LDLRAD4: variants seen among roughly 807,000 people sequenced by gnomAD.
The protein encoded by LDLRAD4 is low-density lipoprotein receptor class A domain-containing protein 4.
In LDLRAD4, 5 loss-of-function variants were observed where a neutral mutation model predicts 17.0. That is an observed-to-expected ratio of 0.29 (90% CI 0.15 to 0.62). LDLRAD4 has a LOEUF of 0.62. LDLRAD4 is among the 20% of genes least tolerant of loss of function. LDLRAD4 has a pLI of 0.84. For synonymous variants in LDLRAD4, 168 were observed against 171.8 expected, an observed-to-expected ratio of 0.98 and a Z score of 0.17; for missense variants, 340 against 424.7, an observed-to-expected ratio of 0.80 and a Z score of 1.75.
intron 3 of LDLRAD4, among the ~76,000 whole-genome samples, chr18:13,518,693 T>C (rs2093908171): frequency 6.6e-6 from 1 of 152,218 alleles, no homozygotes; most frequent in African/African-American, 2.4e-5. Context: ...AGGGGGTCCA[T>C]GAATTTATAC....
chr18:13,496,235 C>G (rs144933092), intron 3 of LDLRAD4, among the ~76,000 whole-genome samples: 3 of 152,096 alleles, frequency 2.0e-5, no homozygotes, highest in African/African-American at 2.4e-5. Context: ...GTGCGTTGTT[C>G]AGGAAGATGG....
intron 3 of LDLRAD4, among the ~76,000 whole-genome samples, chr18:13,456,078 G>A (rs924678142): frequency 2.0e-5 from 3 of 152,174 alleles, no homozygotes; most frequent in African/African-American, 7.2e-5. Context: ...TGTCACTGCT[G>A]TGGCAGGAAC....
rs1441010138 is a variant in LDLRAD4, at chr18:13,330,776, T to TA, written c.-383+52589dup. On this transcript the variant is annotated intron_variant, in intron 1 of 5. Coordinates refer to ENST00000359446, the Ensembl canonical transcript of LDLRAD4. ...CTGGTCACCAGAAAGACCAAGGCATTACTAGAAGATTGGAACCTTCAGCCC... is the reference window on the plus strand; with the variant it reads ...CTGGTCACCAGAAAGACCAAGGCATTAACTAGAAGATTGGAACCTTCAGCCC... Among the ~76,000 whole-genome samples the TA allele has an allele frequency of 3.9e-5, 6 of 152,294 alleles. No homozygotes were observed. The East Asian group carries it at 1.2e-3, about 29-fold the overall frequency.
chr18:13,650,350 T>C (rs1392246432), exon 6 of LDLRAD4: 1 of 399,894 alleles, frequency 2.5e-6, no homozygotes, highest in Non-Finnish European at 4.4e-6. Context: ...TCCTTCATCC[T>C]TTTCTTTCTT....
At chr18:13,581,381 C>A (rs2094855466) in intron 3 of LDLRAD4, among the ~76,000 whole-genome samples, 1 of 152,174 alleles carries the variant, frequency 6.6e-6, no homozygotes, top group African/African-American at 2.4e-5. Flanking sequence ...GCCTGTCTCT[C>A]ATTTTCTGTC....
intron 3 of LDLRAD4, among the ~76,000 whole-genome samples, chr18:13,549,994 C>T (rs1291323545): frequency 6.6e-6 from 1 of 152,202 alleles, no homozygotes; most frequent in Non-Finnish European, 1.5e-5. Context: ...TTCTTCTGAA[C>T]TGCTGCCATC....
chr18:13,499,186 C>G (rs1453430142), intron 3 of LDLRAD4, among the ~76,000 whole-genome samples: 1 of 149,796 alleles, frequency 6.7e-6, no homozygotes, highest in African/African-American at 2.5e-5. Flanking sequence ...GAGAATCCTT[C>G]TACTCACACA....
chr18:13,237,112 T>G (rs2042375943), intron 1 of LDLRAD4, among the ~76,000 whole-genome samples: 1 of 152,242 alleles, frequency 6.6e-6, no homozygotes, highest in Admixed American at 6.5e-5. Context: ...CATGCTGGCT[T>G]GGGCTCTGGA....
intron 3 of LDLRAD4, among the ~76,000 whole-genome samples, chr18:13,497,390 G>A (rs2093492507): frequency 6.6e-6 from 1 of 151,980 alleles, no homozygotes; most frequent in Non-Finnish European, 1.5e-5. Context: ...TGTTGCCCAG[G>A]CTGGTCATGA....
intron 3 of LDLRAD4, among the ~76,000 whole-genome samples, chr18:13,478,331 A>G (rs1049058886): frequency 3.9e-5 from 6 of 152,360 alleles, no homozygotes; most frequent in African/African-American, 9.6e-5. Flanking sequence ...CTAGAAGGTC[A>G]GGATTAACAG....
At chr18:13,634,930 A>C (rs1483491919) in intron 4 of LDLRAD4, among the ~76,000 whole-genome samples, 1 of 152,222 alleles carries the variant, frequency 6.6e-6, no homozygotes, top group African/African-American at 2.4e-5. Context: ...TAAACCCTCA[A>C]ATATATGGTC....
At chr18:13,567,547 A>G (rs2094622628) in intron 3 of LDLRAD4, among the ~76,000 whole-genome samples, 2 of 152,162 alleles carry the variant, frequency 1.3e-5, no homozygotes, top group African/African-American at 4.8e-5. Context: ...GGCTCTTAAA[A>G]ACATTTTCTC....
At chr18:13,368,184 GT>G (rs560748751) in intron 1 of LDLRAD4, among the ~76,000 whole-genome samples, 35 of 152,278 alleles carry the variant, frequency 2.3e-4, no homozygotes, top group African/African-American at 8.4e-4. Context: ...CAGGCGACAG[GT>G]TTGGTGGCAT....
intron 3 of LDLRAD4, among the ~76,000 whole-genome samples, chr18:13,505,244 C>T (rs899024447): frequency 1.3e-5 from 2 of 152,230 alleles, no homozygotes; most frequent in African/African-American, 4.8e-5. Flanking sequence ...AGGAACAGAA[C>T]TAAGCAGAAG....
At chr18:13,394,631 C>G (rs1461559598) in intron 2 of LDLRAD4, among the ~76,000 whole-genome samples, 1 of 152,192 alleles carries the variant, frequency 6.6e-6, no homozygotes, top group African/African-American at 2.4e-5. Flanking sequence ...TGCAGGGAGA[C>G]TTCGTGATGG....
At chr18:13,379,733 A>C (rs1474258039) in intron 1 of LDLRAD4, among the ~76,000 whole-genome samples, 1 of 152,230 alleles carries the variant, frequency 6.6e-6, no homozygotes, top group East Asian at 1.9e-4. Context: ...GCTGACAGCA[A>C]GGAGTGGCTT....
chr18:13,253,254 C>T (rs2043321527), intron 1 of LDLRAD4, among the ~76,000 whole-genome samples: 1 of 152,028 alleles, frequency 6.6e-6, no homozygotes, highest in African/African-American at 2.4e-5. Flanking sequence ...GGGTGTGAGG[C>T]TGGAGACCAG....
intron 3 of LDLRAD4, among the ~76,000 whole-genome samples, chr18:13,477,364 G>T (rs1293373860): frequency 6.6e-6 from 1 of 152,176 alleles, no homozygotes; most frequent in Non-Finnish European, 1.5e-5. Flanking sequence ...TCCAGCAGCA[G>T]GTCCTCTGTG....
At chr18:13,557,783 T>C (rs951313089) in intron 3 of LDLRAD4, among the ~76,000 whole-genome samples, 1 of 152,204 alleles carries the variant, frequency 6.6e-6, no homozygotes, top group African/African-American at 2.4e-5. Context: ...GGCATTGTAA[T>C]ATATGTGTTA....
Sources: allele counts gnomAD v4.1 joint callset (sites outside exome capture counted in the v4.1 genomes callset), GRCh38; gene constraint gnomAD v4.1.1; transcripts MANE v1.5; gene names NCBI Gene and HGNC (gene_info 2026-07-23, HGNC 2026-07-21).